The following NEURL1 variants were observed in gnomAD, a reference collection of about 807,000 sequenced individuals.
NEURL1 encodes neuralized E3 ubiquitin protein ligase 1.
NEURL1 carries 26 observed loss-of-function variants against 41.2 expected under a neutral mutation model. The observed-to-expected ratio is 0.63, with a 90% CI of 0.46 to 0.87. NEURL1 has a LOEUF of 0.87. Ranked by LOEUF, NEURL1 falls within the 40% of genes least tolerant of loss-of-function variation. NEURL1 has a pLI of 0.00. For missense variants in NEURL1, 761 were observed against 871.1 expected (o/e 0.87, Z 1.59); for synonymous variants, 400 against 402.3 (o/e 0.99, Z 0.07).
chr10:103,506,986 G>A (rs566745360), intron 1 of NEURL1, among the ~76,000 whole-genome samples: 19 of 152,332 alleles, frequency 1.2e-4, no homozygotes, highest in African/African-American at 4.6e-4. Context: ...GCCTGTGCTT[G>A]GTTCCTGGTG....
At position 103,506,602 on chromosome 10, in the gene NEURL1, C is replaced by T. The variant is rs1484338771; in HGVS notation, c.85+12130C>T. On this transcript the variant is annotated intron_variant, in intron 1 of 5. Coordinates refer to ENST00000369780, the MANE Select transcript of NEURL1 (RefSeq NM_004210.5). ...TGAGACGGAGTCTCACTCTGTCGCC[C>T]AGGCTGGAGTATAGTGGTGCAGTCT... Among the ~76,000 whole-genome samples the T allele has an allele frequency of 5.3e-5, 8 of 151,930 alleles. 1 individual carries two copies.
At chr10:103,527,989 G>T (rs1048576307) in intron 1 of NEURL1, among the ~76,000 whole-genome samples, 1 of 152,160 alleles carries the variant, frequency 6.6e-6, no homozygotes, top group African/African-American at 2.4e-5. Flanking sequence ...GGAGGCCGAG[G>T]TGGACCAATC....
At chr10:103,557,792 G>C (rs2035188758) in intron 1 of NEURL1, among the ~76,000 whole-genome samples, 1 of 152,254 alleles carries the variant, frequency 6.6e-6, no homozygotes. Flanking sequence ...GGGAGACGCA[G>C]GGGTTTGCTC....
rs1399326322 is a variant in NEURL1 at position 103,529,552 on chromosome 10, C to T, written c.85+35080C>T. ...GAAAGAATGCCATTCCAGTCAAAGC[C>T]TTGGTAAAAGAACCAGTCTCCAACT... On this transcript the variant is annotated intron_variant, in intron 1 of 5. Coordinates refer to ENST00000369780, the MANE Select transcript of NEURL1 (RefSeq NM_004210.5). Among the ~76,000 whole-genome samples the T allele has an allele frequency of 3.3e-5, 5 of 152,164 alleles. No homozygotes were observed. In the East Asian group the frequency reaches 9.6e-4, roughly 29 times the overall value.
At chr10:103,580,141 G>A (rs1283338818) in intron 3 of NEURL1, among the ~76,000 whole-genome samples, 1 of 151,952 alleles carries the variant, frequency 6.6e-6, no homozygotes, top group Non-Finnish European at 1.5e-5. Context: ...GGACCTCCCT[G>A]CCCTGGCAGG....
At chr10:103,554,406 G>A (rs1281023151) in intron 1 of NEURL1, among the ~76,000 whole-genome samples, 1 of 152,202 alleles carries the variant, frequency 6.6e-6, no homozygotes, top group African/African-American at 2.4e-5. Context: ...ATGAGCCCAT[G>A]TATATGCACA....
intron 1 of NEURL1, among the ~76,000 whole-genome samples, chr10:103,552,897 ACTTACTCTTACCTAGGGC>A (rs1417862862): frequency 6.6e-6 from 1 of 152,140 alleles, no homozygotes; most frequent in Non-Finnish European, 1.5e-5. Context: ...AAGAACAGGG[ACTTACTCTTACCTAGGGC>A]CCTAGGGAGG....
chr10:103,591,968 G>A lies in NEURL1; in HGVS notation c.*1596G>A, dbSNP rs1029451356. ...GGGAGGGAGCGCCCCACCTGCTGAGGTCGGTCCTCTCAGCCCTGCCTGCCC... is the reference window on the plus strand; with the variant it reads ...GGGAGGGAGCGCCCCACCTGCTGAGATCGGTCCTCTCAGCCCTGCCTGCCC... On this transcript the variant is annotated 3_prime_UTR_variant, in exon 6 of 6. Coordinates refer to ENST00000369780, the MANE Select transcript of NEURL1 (RefSeq NM_004210.5). The A allele has an allele frequency of 1.3e-5, 2 of 152,316 alleles. No individual in the cohort carries two copies. Among genetic ancestry groups the A allele is most frequent in the African/African-American group, 4.8e-5 (2 of 41,446 alleles). The allele number at this position is 152,316 out of a possible 1,614,324, so 9.4% of individuals were successfully genotyped here.
At chr10:103,573,536 T>C (rs80221106) in intron 3 of NEURL1, among the ~76,000 whole-genome samples, 1 of 152,266 alleles carries the variant, frequency 6.6e-6, no homozygotes, top group East Asian at 1.9e-4. Context: ...CTCAAGTGAA[T>C]GCCTTGGTGC....
intron 1 of NEURL1, among the ~76,000 whole-genome samples, chr10:103,546,511 G>A (rs903045111): frequency 2.0e-5 from 3 of 152,202 alleles, no homozygotes; most frequent in African/African-American, 7.2e-5. Flanking sequence ...ACGTGGCAGA[G>A]GGGCAGGTGT....
chr10:103,498,162 T>C (rs545734263), intron 1 of NEURL1, among the ~76,000 whole-genome samples: 1 of 152,278 alleles, frequency 6.6e-6, no homozygotes, highest in South Asian at 2.1e-4. Flanking sequence ...TGGAGAAAAA[T>C]ACAAAGAATA....
intron 4 of NEURL1, among the ~76,000 whole-genome samples, chr10:103,585,616 T>C (rs938014743): frequency 2.0e-5 from 3 of 152,078 alleles, no homozygotes; most frequent in Admixed American, 1.3e-4. Flanking sequence ...GGGCGAATCA[T>C]GAGGTCAGGA....
intron 1 of NEURL1, among the ~76,000 whole-genome samples, chr10:103,502,532 C>T (rs1281521336): frequency 6.6e-6 from 1 of 152,206 alleles, no homozygotes; most frequent in African/African-American, 2.4e-5. Context: ...CAGGACCTCA[C>T]CCCTCTGACC....
chr10:103,505,104 G>T (rs1316814604), intron 1 of NEURL1, among the ~76,000 whole-genome samples: 1 of 149,908 alleles, frequency 6.7e-6, no homozygotes, highest in African/African-American at 2.5e-5. Context: ...AGGCTCTGGA[G>T]TGTGGTGGTT....
chr10:103,505,065 TAAAGAAA>T, intron 1 of NEURL1, among the ~76,000 whole-genome samples: 1 of 150,728 alleles, frequency 6.6e-6, no homozygotes. Context: ...TTTTTTTTTT[TAAAGAAA>T]CAAAGTCTTG....
intron 1 of NEURL1, among the ~76,000 whole-genome samples, chr10:103,528,768 T>A (rs906670780): frequency 8.5e-5 from 13 of 152,230 alleles, no homozygotes; most frequent in Non-Finnish European, 1.8e-4. Context: ...AAGTTTAGTT[T>A]GCAGTCACAG....
At chr10:103,585,976 C>T (rs1017164560) in intron 4 of NEURL1, among the ~76,000 whole-genome samples, 3 of 151,378 alleles carry the variant, frequency 2.0e-5, no homozygotes, top group African/African-American at 4.9e-5. Context: ...TGTCAGTAGT[C>T]AGGTGGTGCA....
At chr10:103,497,891 G>A (rs1163220610) in intron 1 of NEURL1, among the ~76,000 whole-genome samples, 2 of 152,172 alleles carry the variant, frequency 1.3e-5, no homozygotes, top group Non-Finnish European at 2.9e-5. Context: ...TGTGGGCAGA[G>A]GTCAGACAAG....
At chr10:103,546,398 G>C (rs976333523) in intron 1 of NEURL1, among the ~76,000 whole-genome samples, 4 of 152,240 alleles carry the variant, frequency 2.6e-5, no homozygotes, top group African/African-American at 9.6e-5. Context: ...ACAAAGGGAT[G>C]AGCATCTGTC....
Sources: allele counts gnomAD v4.1 joint callset (sites outside exome capture counted in the v4.1 genomes callset), GRCh38; gene constraint gnomAD v4.1.1; transcripts MANE v1.5; gene names NCBI Gene and HGNC (gene_info 2026-07-23, HGNC 2026-07-21).